ZBBX: variants seen among roughly 807,000 people sequenced by gnomAD.
ZBBX encodes the protein zinc finger B-box domain-containing protein 1.
Under a neutral mutation model 108.5 loss-of-function variants are expected in ZBBX, and 101 were observed. The observed-to-expected ratio is 0.93, with a 90% CI of 0.79 to 1.10. The LOEUF is 1.10. Among genes scored for constraint, ZBBX ranks in the 50% least tolerant of loss-of-function variants. The probability of loss-of-function intolerance (pLI) is 0.00; values close to 1 mark genes in which losing one functional copy is unlikely to be tolerated. For synonymous variants in ZBBX, 356 were observed against 323.4 expected, an observed-to-expected ratio of 1.10 and a Z score of -1.08; for missense variants, 1,009 against 941.4, an observed-to-expected ratio of 1.07 and a Z score of -0.94.
At chr3:167,185,340 C>A in the ZBBX span, among the ~76,000 whole-genome samples, 1 of 151,924 alleles carries the variant, frequency 6.6e-6, no homozygotes, top group East Asian at 1.9e-4. Context: ...CAATAAAAAC[C>A]AAAGCTGAGG....
the ZBBX span, among the ~76,000 whole-genome samples, chr3:167,187,773 G>T: frequency 6.6e-6 from 1 of 152,116 alleles, no homozygotes; most frequent in Non-Finnish European, 1.5e-5. Context: ...GTGGCAAGGG[G>T]TACAAAATGA....
chr3:167,332,541 A>G (rs1738833025), intron 10 of ZBBX, among the ~76,000 whole-genome samples: 1 of 152,170 alleles, frequency 6.6e-6, no homozygotes, highest in South Asian at 2.1e-4. Flanking sequence ...ACTTTCTAGT[A>G]AGGCTAGTTA....
intron 1 of ZBBX, among the ~76,000 whole-genome samples, chr3:167,393,056 G>C (rs1179990537): frequency 6.6e-6 from 1 of 151,758 alleles, no homozygotes; most frequent in Non-Finnish European, 1.5e-5. Context: ...CAAGATGTAA[G>C]TATAACTAGA....
chr3:167,205,973 A>G, the ZBBX span, among the ~76,000 whole-genome samples: 2 of 152,082 alleles, frequency 1.3e-5, no homozygotes, highest in African/African-American at 4.8e-5. Context: ...TCAATCATCT[A>G]TATCTTTGTG....
the ZBBX span, among the ~76,000 whole-genome samples, chr3:167,217,959 G>A: frequency 1.3e-5 from 2 of 149,908 alleles, no homozygotes; most frequent in Admixed American, 1.3e-4. Context: ...TAGCCAGGAT[G>A]GTCTCAATCT....
Position 167,360,685 on chromosome 3 carries a change from T to C in ZBBX, c.312A>G (p.Glu104=). Residue 104 remains glutamate, a synonymous_variant, in exon 7 of 22, where the codon GAA becomes GAG. Transcript: ENST00000675490. ...TGATAAATTATTTACCTTGAATCTGTTCCTTCAGCAATTTTAATTTCACTT... is the reference window on the plus strand; with the variant it reads ...TGATAAATTATTTACCTTGAATCTGCTCCTTCAGCAATTTTAATTTCACTT... ...AGKVKLKLLK[E]QIQEPVKPTV... 2.2e-6 allele frequency: 3 copies of C among 1,384,616 alleles called. No homozygotes were observed. In the South Asian group the frequency reaches 5.7e-5, roughly 26 times the overall value. 85.8% of individuals were successfully genotyped at this position (1,384,616 alleles called of 1,614,324 possible).
At chr3:167,309,075 AAT>A in intron 16 of ZBBX, among the ~76,000 whole-genome samples, 1 of 152,144 alleles carries the variant, frequency 6.6e-6, no homozygotes, top group East Asian at 1.9e-4. Flanking sequence ...CTTTTCCAGA[AAT>A]TTCTGAGTAA....
chr3:167,282,428 A>G lies in ZBBX; in HGVS notation c.2064T>C (p.Ser688=), dbSNP rs1560068602. The G allele has an allele frequency of 1.2e-6, 2 of 1,613,972 alleles. No individual in the cohort carries two copies. The highest frequency in any genetic ancestry group is 3.3e-5 in the Admixed American group (2 of 60,012). The part of the protein sequence containing the change: ...PLSNSVKESS[S]CLSSSHPRSR... ...ATCGAGGATGAGAGGATGAAAGGCA[A>G]CTGGAGCTTTCTTTAACAGAGTTGG... The change falls in exon 20 of 22, where the codon AGT becomes AGC. Residue 688 remains serine (S), a synonymous_variant. Transcript: ENST00000675490.
the ZBBX span, among the ~76,000 whole-genome samples, chr3:167,200,843 CAACT>C: frequency 2.2e-3 from 329 of 152,146 alleles, 1 homozygote; most frequent in Admixed American, 3.4e-3. Context: ...GAAGGAATCT[CAACT>C]AATTGACATC....
chr3:167,372,957 A>G lies in ZBBX; in HGVS notation c.-49-7T>C, dbSNP rs1577117622. The G allele has an allele frequency of 2.2e-6, 3 of 1,357,326 alleles. No individual in the cohort carries two copies. The highest frequency in any genetic ancestry group is 2.3e-5 in the East Asian group (1 of 42,914). The allele number at this position is 1,357,326 out of a possible 1,614,324, so 84.1% of individuals were successfully genotyped here. A position where few individuals can be genotyped will look rare whatever the true frequency, so the allele number is the denominator to read the frequency against. On this transcript the variant is annotated splice_region_variant and splice_polypyrimidine_tract_variant and intron_variant, in intron 3 of 21. Transcript: ENST00000675490. ...TTCTGATTTGTAAACACTTCTGTAA[A>G]AGTAACAAAGACAAAAGAATTATGG...
At chr3:167,233,487 T>C in the ZBBX span, among the ~76,000 whole-genome samples, 1 of 151,470 alleles carries the variant, frequency 6.6e-6, no homozygotes, top group African/African-American at 2.4e-5. Flanking sequence ...GAGAAAGAAA[T>C]AGAGCCAGTG....
intron 12 of ZBBX, among the ~76,000 whole-genome samples, chr3:167,319,137 A>G (rs1478145734): frequency 1.3e-5 from 2 of 152,014 alleles, no homozygotes; most frequent in African/African-American, 4.8e-5. Flanking sequence ...TATATTCAAG[A>G]AAAACCTGTT....
chr3:167,325,509 G>A (rs1034904214), intron 11 of ZBBX, among the ~76,000 whole-genome samples: 6 of 152,080 alleles, frequency 3.9e-5, no homozygotes, highest in African/African-American at 1.4e-4. Context: ...GGAAATTATG[G>A]GAGCTACAAT....
At chr3:167,292,418 CATG>C (rs1290012885) in intron 18 of ZBBX, among the ~76,000 whole-genome samples, 2 of 152,292 alleles carry the variant, frequency 1.3e-5, no homozygotes, top group East Asian at 3.9e-4. Flanking sequence ...TGCACGACTA[CATG>C]AAAACTGAAC....
rs188253583 is a variant in ZBBX at position 167,344,927 on chromosome 3, C to G, written c.528+5493G>C. On this transcript the variant is annotated intron_variant, in intron 9 of 21. Transcript: ENST00000675490. ...GACATGACTACCTTTATCTGTTTCC[C>G]AGGGAAAGGGCGAGAAAGTTAATTA... is the stretch of plus-strand genomic sequence containing the variant. 2.4e-3 allele frequency among the ~76,000 whole-genome samples: 360 copies of G among 151,926 alleles called. 3 individuals are homozygous for G. Among genetic ancestry groups the G allele is most frequent in the African/African-American group, 8.5e-3 (352 of 41,512 alleles).
At chr3:167,280,281 C>CAA (rs879821838) in intron 20 of ZBBX, among the ~76,000 whole-genome samples, 14 of 130,482 alleles carry the variant, frequency 1.1e-4, no homozygotes, top group African/African-American at 1.7e-4. Context: ...TTCTGCACAG[C>CAA]AAAAAAAAAA....
chr3:167,178,682 C>T, the ZBBX span, among the ~76,000 whole-genome samples: 1 of 152,136 alleles, frequency 6.6e-6, no homozygotes, highest in Non-Finnish European at 1.5e-5. Flanking sequence ...ACCTCTACCC[C>T]AAGTTATTAT....
At chr3:167,180,742 G>A in the ZBBX span, among the ~76,000 whole-genome samples, 535 of 152,284 alleles carry the variant, frequency 3.5e-3, 4 homozygotes, top group African/African-American at 0.012. Context: ...AATTGTAAAC[G>A]CAAACTGTTC....
intron 10 of ZBBX, chr3:167,331,754 T>C (rs148492692): frequency 9.1e-5 from 26 of 286,866 alleles, no homozygotes; most frequent in South Asian, 6.7e-4. Flanking sequence ...TGTAAGCACA[T>C]GATATCCCTG....
Sources: gnomAD v4.1 joint callset for allele counts (sites outside exome capture counted in the v4.1 genomes callset) on GRCh38, gnomAD v4.1.1 for gene constraint, MANE v1.5 for transcripts, NCBI Gene and HGNC (gene_info 2026-07-23, HGNC 2026-07-21) for gene names.